SPMIP9: variants seen among roughly 807,000 people sequenced by gnomAD.
The protein encoded by SPMIP9 is protein SPMIP9.
chr2:88,526,318 T>C, the SPMIP9 span: 1 of 1,086,878 alleles, frequency 9.2e-7, no homozygotes, highest in Non-Finnish European at 1.4e-6. Flanking sequence ...TCGGCCTTTG[T>C]CCTACAAACA....
the SPMIP9 span, among the ~76,000 whole-genome samples, chr2:88,528,056 CTT>C: frequency 2.0e-5 from 3 of 150,786 alleles, no homozygotes; most frequent in African/African-American, 7.3e-5. Context: ...CTGTTTATGT[CTT>C]TTGCTCATTT....
chr2:88,527,573 T>C, the SPMIP9 span, among the ~76,000 whole-genome samples: 1 of 152,246 alleles, frequency 6.6e-6, no homozygotes, highest in African/African-American at 2.4e-5. Flanking sequence ...TTGTCACTTT[T>C]TGCTAAACAT....
the SPMIP9 span, among the ~76,000 whole-genome samples, chr2:88,528,652 A>C: frequency 1.7e-3 from 254 of 152,350 alleles, 1 homozygote; most frequent in South Asian, 6.0e-3. Context: ...TAAACAAACA[A>C]AGATGGATCA....
the SPMIP9 span, chr2:88,526,478 C>A: frequency 1.9e-6 from 3 of 1,614,022 alleles, no homozygotes; most frequent in Non-Finnish European, 2.5e-6. Flanking sequence ...CACAAATACT[C>A]CAGGGTCACG....
the SPMIP9 span, chr2:88,529,020 C>A: frequency 1.3e-6 from 2 of 1,586,612 alleles, no homozygotes; most frequent in South Asian, 1.2e-5. Flanking sequence ...GTCTCTCTCA[C>A]CCCTCCATTC....
chr2:88,526,571 C>A, the SPMIP9 span: 1 of 1,162,348 alleles, frequency 8.6e-7, no homozygotes, highest in Non-Finnish European at 1.3e-6. Context: ...ATTTGTATTA[C>A]AAATGTGGAC....
chr2:88,527,028 C>T, the SPMIP9 span, among the ~76,000 whole-genome samples: 1 of 152,266 alleles, frequency 6.6e-6, no homozygotes, highest in East Asian at 1.9e-4. Context: ...GTAAATAATA[C>T]ACATTTAGAG....
chr2:88,529,004 T>A, the SPMIP9 span: 1 of 1,559,432 alleles, frequency 6.4e-7, no homozygotes, highest in Non-Finnish European at 8.7e-7. Context: ...AGCTACATCA[T>A]CTCTTGTCTC....
the SPMIP9 span, chr2:88,525,820 AAG>A: frequency 9.0e-4 from 655 of 730,510 alleles, 1 homozygote; most frequent in African/African-American, 6.4e-3. Context: ...TTGGTACAAG[AAG>A]AAGAAGAGAA....
At chr2:88,529,110 C>A in the SPMIP9 span, 1 of 1,614,162 alleles carries the variant, frequency 6.2e-7, no homozygotes, top group Admixed American at 1.7e-5. Context: ...ATCCCTAACC[C>A]CAACCCCAAG....
the SPMIP9 span, chr2:88,525,649 C>T: frequency 1.2e-6 from 2 of 1,614,164 alleles, no homozygotes; most frequent in Non-Finnish European, 1.7e-6. Context: ...TTTGCCATGG[C>T]AGGTGTGAAA....
the SPMIP9 span, among the ~76,000 whole-genome samples, chr2:88,526,990 A>G: frequency 2.6e-5 from 4 of 152,338 alleles, no homozygotes; most frequent in African/African-American, 4.8e-5. Flanking sequence ...TCAAATGTAC[A>G]TCAAATACGT....
At chr2:88,526,431 A>G in the SPMIP9 span, 22 of 1,614,058 alleles carry the variant, frequency 1.4e-5, no homozygotes, top group African/African-American at 2.5e-4. Flanking sequence ...ACATATACCA[A>G]AGCTCCCACA....
At chr2:88,526,404 G>C in the SPMIP9 span, 1 of 1,610,864 alleles carries the variant, frequency 6.2e-7, no homozygotes, top group Non-Finnish European at 8.5e-7. Flanking sequence ...TTGTGCTTTA[G>C]GACCCTGTGG....
At chr2:88,526,265 G>A in the SPMIP9 span, 4 of 673,630 alleles carry the variant, frequency 5.9e-6, no homozygotes, top group Non-Finnish European at 1.1e-5. Flanking sequence ...GTAAAAATGG[G>A]TCACAGCCAG....
chr2:88,529,097 C>T, the SPMIP9 span: 5 of 1,614,104 alleles, frequency 3.1e-6, no homozygotes, highest in Non-Finnish European at 4.2e-6. Context: ...GTTTTACAGG[C>T]CCATCCCTAA....
the SPMIP9 span, chr2:88,526,510 G>T: frequency 6.2e-7 from 1 of 1,601,910 alleles, no homozygotes; most frequent in Non-Finnish European, 8.6e-7. Context: ...AGGAAGGCAC[G>T]CAAGTCCTGT....
the SPMIP9 span, among the ~76,000 whole-genome samples, chr2:88,527,984 A>G: frequency 6.6e-6 from 1 of 152,110 alleles, no homozygotes; most frequent in South Asian, 2.1e-4. Context: ...TTTTCATTTC[A>G]CTAACAATGA....
chr2:88,529,456 G>A, the SPMIP9 span: 1 of 1,612,708 alleles, frequency 6.2e-7, no homozygotes, highest in South Asian at 1.1e-5. Flanking sequence ...GGGGACCCTT[G>A]ATGCCATTTT....
Sources: allele counts gnomAD v4.1 joint callset (sites outside exome capture counted in the v4.1 genomes callset), GRCh38; gene constraint gnomAD v4.1.1; transcripts MANE v1.5; gene names NCBI Gene and HGNC (gene_info 2026-07-23, HGNC 2026-07-21).